The following CRISPLD1 variants were observed in gnomAD, a reference collection of about 807,000 sequenced individuals.
CRISPLD1 encodes the protein cysteine-rich secretory protein LCCL domain-containing 1.
CRISPLD1 carries 60 observed loss-of-function variants against 77.5 expected under a neutral mutation model. That is an observed-to-expected ratio of 0.77 (90% CI 0.63 to 0.96). The LOEUF is 0.96. CRISPLD1 is among the 40% of genes least tolerant of loss of function. The pLI, the probability that CRISPLD1 is intolerant of heterozygous loss-of-function variation, is 0.00. For synonymous variants in CRISPLD1, 195 were observed against 200.1 expected, an observed-to-expected ratio of 0.97 and a Z score of 0.22; for missense variants, 623 against 615.8, an observed-to-expected ratio of 1.01 and a Z score of -0.12.
rs559832060 is a variant in CRISPLD1 at position 75,021,084 on chromosome 8, T to C, written c.1244+1005T>C. 8.5e-5 allele frequency among the ~76,000 whole-genome samples: 13 copies of C among 152,328 alleles called. No homozygotes were observed. The East Asian group carries it at 2.5e-3, about 29-fold the overall frequency. ...AAAAACTAGTAATGAGATTTAAAGA[T>C]ATCATTGTAATTTGACAAAACATTT... On this transcript the variant is annotated intron_variant, in intron 12 of 14. Coordinates refer to ENST00000262207, the MANE Select transcript of CRISPLD1 (RefSeq NM_031461.6).
intron 2 of CRISPLD1, among the ~76,000 whole-genome samples, chr8:75,010,557 C>T (rs548790810): frequency 6.6e-6 from 1 of 152,186 alleles, no homozygotes; most frequent in South Asian, 2.1e-4. Context: ...CTTCACCCAT[C>T]ATTGATCTGA....
At chr8:75,010,895 C>G (rs1435399613) in intron 2 of CRISPLD1, among the ~76,000 whole-genome samples, 1 of 152,004 alleles carries the variant, frequency 6.6e-6, no homozygotes, top group African/African-American at 2.4e-5. Flanking sequence ...TCTGGACCCC[C>G]AGTCATGTAG....
intron 2 of CRISPLD1, among the ~76,000 whole-genome samples, chr8:75,005,209 A>T (rs1186438543): frequency 6.6e-6 from 1 of 152,106 alleles, no homozygotes. Flanking sequence ...ATGTTATTTT[A>T]CAGCTAATTC....
chr8:75,020,078 A>G lies in CRISPLD1; in HGVS notation c.1243A>G (p.Arg415Gly), dbSNP rs187911314. 8 of 1,613,638 alleles carry G rather than the reference A, an allele frequency of 5.0e-6. No homozygotes were observed. Among genetic ancestry groups the G allele is most frequent in the East Asian group, 2.2e-5 (1 of 44,854 alleles). Residue 415 changes from arginine to glycine, a missense_variant and splice_region_variant, in exon 12 of 15, where the codon AGA (arginine) becomes GGA (glycine). Transcript: ENST00000262207. ...TCATAAGCCTGCTTCACATTGCCCA[A>G]GGTAAACCAGTGTACACATAGGGGG... ...PFHKPASHCPRVYCPRNCMQA... is the reference protein window; with the variant it reads ...PFHKPASHCPGVYCPRNCMQA...
intron 2 of CRISPLD1, among the ~76,000 whole-genome samples, chr8:74,988,338 C>T (rs985962669): frequency 6.6e-6 from 1 of 152,112 alleles, no homozygotes. Flanking sequence ...TCTCTAGTGT[C>T]CTATGATAAG....
intron 12 of CRISPLD1, among the ~76,000 whole-genome samples, chr8:75,022,589 GAAAAAA>G (rs71565425): frequency 1.2e-5 from 1 of 82,384 alleles, no homozygotes; most frequent in Non-Finnish European, 2.4e-5. Flanking sequence ...CTCTGTCTCA[GAAAAAA>G]AAAAAAAAAA....
rs374697726 is a variant in CRISPLD1, at chr8:74,986,177, A to C, written c.190A>C (p.Ser64Arg). ...GGCCATCACAGACAATGACATGCAG[A>C]GTATTTTGGACCTTCATAATAAATT... ...KRAITDNDMQ[S>R]ILDLHNKLRS... The change falls in exon 2 of 15, where the codon AGT becomes CGT. Residue 64 changes from serine (S) to arginine (R), a missense_variant. By Grantham distance (110) the Ser-to-Arg change is moderately radical (BLOSUM62 -1). Transcript: ENST00000262207. 5.0e-6 allele frequency: 8 copies of C among 1,614,144 alleles called. No individual in the cohort carries two copies. Among genetic ancestry groups the C allele is most frequent in the Non-Finnish European group, 6.8e-6 (8 of 1,179,976 alleles).
Position 75,019,988 on chromosome 8 carries a change from T to C in CRISPLD1, c.1172-19T>C. 6.2e-7 allele frequency: 1 copy of C among 1,613,848 alleles called. No individual in the cohort carries two copies. The highest frequency in any genetic ancestry group is 8.5e-7 in the Non-Finnish European group (1 of 1,179,702). On this transcript the variant is annotated intron_variant, in intron 11 of 14. Transcript: ENST00000262207. ...GCTTTCAAAGGATTCACTCATTGTT[T>C]TGTGTTTTAATTCTTCAGTTCAGGC... is the stretch of plus-strand genomic sequence containing the variant.
intron 1 of CRISPLD1, 42 bp from the exon 2 acceptor site, chr8:74,985,884 C>T (rs920880347): frequency 1.2e-5 from 15 of 1,296,300 alleles, no homozygotes; most frequent in African/African-American, 1.5e-5. Flanking sequence ...AAATTCATAT[C>T]TGCTGGAATT....
In CRISPLD1 at chr8:75,029,290, G is replaced by A. The variant is rs1386419518; in HGVS notation, c.1321-97G>A. On this transcript the variant is annotated intron_variant, in intron 13 of 14. Coordinates refer to ENST00000262207, the MANE Select transcript of CRISPLD1 (RefSeq NM_031461.6). ...GCTCACTGGCTATCCATGACATCAG[G>A]ATGTCAGCGACTTCAGTCTATTAAT... 9 of 1,220,012 alleles carry A rather than the reference G, an allele frequency of 7.4e-6. No homozygotes were observed. The Admixed American group carries it at 7.9e-5, about 11-fold the overall frequency. The allele number at this position is 1,220,012 out of a possible 1,614,324, so 75.6% of individuals were successfully genotyped here.
rs1813390212 is a variant in CRISPLD1 at position 75,033,509 on chromosome 8, T to C, written c.*1267T>C. 1 of 151,868 alleles carries C rather than the reference T, an allele frequency of 6.6e-6. No homozygotes were observed. The highest frequency in any genetic ancestry group is 1.5e-5 in the Non-Finnish European group (1 of 67,856). 9.4% of individuals were successfully genotyped at this position (151,868 alleles called of 1,614,324 possible). ...TATTTAGAAACACAGCAAGGGAGAT[T>C]TTGAATAAAGAGAGAGATGAATTTA... On this transcript the variant is annotated 3_prime_UTR_variant, in exon 15 of 15. Coordinates refer to ENST00000262207, the MANE Select transcript of CRISPLD1 (RefSeq NM_031461.6).
rs1812490083 is a variant in CRISPLD1 at position 74,986,032 on chromosome 8, G to C, written c.45G>C (p.Leu15=). ...AGTGGCTCAGAGTAACCACAGTGCT[G>C]TTCATGGCTAGAGCAATTCCAGCCA... ...AREWLRVTTV[L]FMARAIPAMV... The change falls in exon 2 of 15, where the codon CTG becomes CTC. Residue 15 remains leucine (L), a synonymous_variant. Transcript: ENST00000262207. 6.2e-7 allele frequency: 1 copy of C among 1,614,012 alleles called. No individual in the cohort carries two copies. Among genetic ancestry groups the C allele is most frequent in the Non-Finnish European group, 8.5e-7 (1 of 1,180,022 alleles).
rs1452059859 is a variant in CRISPLD1 at position 75,033,588 on chromosome 8, C to A, written c.*1346C>A. On this transcript the variant is annotated 3_prime_UTR_variant, in exon 15 of 15. Transcript: ENST00000262207. ...TACAAAGTGATTATAAAAGAATTGA[C>A]AGGACAATAAATACTTCAAATACTT... 2.0e-5 allele frequency: 3 copies of A among 151,798 alleles called. No homozygotes were observed. Among genetic ancestry groups the A allele is most frequent in the Non-Finnish European group, 4.4e-5 (3 of 67,836 alleles). 9.4% of individuals were successfully genotyped at this position (151,798 alleles called of 1,614,324 possible). A position where few individuals can be genotyped will look rare whatever the true frequency, so the allele number is the denominator to read the frequency against.
intron 14 of CRISPLD1, 39 bp downstream of exon 14, chr8:75,029,556 A>G (rs1162881660): frequency 1.3e-6 from 2 of 1,581,660 alleles, no homozygotes; most frequent in Non-Finnish European, 1.7e-6. Flanking sequence ...TTTAAATACC[A>G]TCTATCACTG....
At chr8:75,028,645 C>G (rs1380427194) in intron 13 of CRISPLD1, among the ~76,000 whole-genome samples, 1 of 152,038 alleles carries the variant, frequency 6.6e-6, no homozygotes, top group Non-Finnish European at 1.5e-5. Context: ...AAGTATTGGA[C>G]CTGAAACAAC....
At chr8:75,003,778 G>C (rs1812784849) in intron 2 of CRISPLD1, among the ~76,000 whole-genome samples, 1 of 152,006 alleles carries the variant, frequency 6.6e-6, no homozygotes, top group Non-Finnish European at 1.5e-5. Context: ...TTGGGGCAGG[G>C]GACCTTGACA....
intron 2 of CRISPLD1, among the ~76,000 whole-genome samples, chr8:74,990,266 A>G (rs78517951): frequency 0.042 from 6,359 of 151,726 alleles, 402 homozygotes; most frequent in African/African-American, 0.14. Flanking sequence ...AACCGCACTT[A>G]TACTCCTTAA....
rs771210880 is a variant in CRISPLD1, at chr8:74,992,905, GT to G, written c.258+6681del. ...GCCATGCTTAAAATTAGAAATTATG[GT>G]TTTTTTTTTTTTTTTTTTTTCCTTC... On this transcript the variant is annotated intron_variant, in intron 2 of 14. Transcript: ENST00000262207. Among the ~76,000 whole-genome samples the G allele has an allele frequency of 9.3e-3, 1,076 of 115,206 alleles. 6 individuals are homozygous for G. The highest frequency in any genetic ancestry group is 0.026 in the South Asian group (89 of 3,400). The allele number at this position is 115,206 out of a possible 152,430, so 75.6% of individuals were successfully genotyped here. A position where few individuals can be genotyped will look rare whatever the true frequency, so the allele number is the denominator to read the frequency against.
intron 2 of CRISPLD1, among the ~76,000 whole-genome samples, chr8:75,003,850 T>C (rs1812786121): frequency 2.0e-5 from 3 of 152,204 alleles, no homozygotes; most frequent in Non-Finnish European, 2.9e-5. Context: ...TGTAATTCTA[T>C]AGAAAATTAA....
Sources: allele counts gnomAD v4.1 joint callset (sites outside exome capture counted in the v4.1 genomes callset), GRCh38; gene constraint gnomAD v4.1.1; transcripts MANE v1.5; gene names NCBI Gene and HGNC (gene_info 2026-07-23, HGNC 2026-07-21).